The following CAP1 variants were observed in gnomAD, a reference collection of about 807,000 sequenced individuals.
The protein encoded by CAP1 is adenylyl cyclase-associated protein 1.
A neutral mutation model predicts 58.2 loss-of-function variants in CAP1; 11 were observed. The ratio of observed to expected loss-of-function variants is 0.19; its 90% confidence interval spans 0.12 to 0.31. The LOEUF is 0.31. CAP1 is among the 10% of genes least tolerant of loss of function. CAP1 has a pLI of 1.00. For synonymous variants in CAP1, 183 were observed against 213.8 expected, an observed-to-expected ratio of 0.86 and a Z score of 1.26; for missense variants, 423 against 587.5, an observed-to-expected ratio of 0.72 and a Z score of 2.89.
chr1:40,065,988 T>G (rs1647050855), intron 6 of CAP1, among the ~76,000 whole-genome samples: 1 of 152,194 alleles, frequency 6.6e-6, no homozygotes, highest in Admixed American at 6.5e-5. Flanking sequence ...CTATGAGAGA[T>G]AGAGATAGAA....
At chr1:40,061,676 C>T in intron 3 of CAP1, 59 bp from the exon 4 acceptor site, 1 of 1,403,610 alleles carries the variant, frequency 7.1e-7, no homozygotes, top group Non-Finnish European at 1.0e-6. Flanking sequence ...TCAGGTTATT[C>T]TTATCAAGAC....
At chr1:40,062,223 CT>C (rs1646881704) in intron 4 of CAP1, among the ~76,000 whole-genome samples, 1 of 15,082 alleles carries the variant, frequency 6.6e-5, no homozygotes, top group Non-Finnish European at 2.1e-4. Context: ...GGTTGGGAGA[CT>C]CTCTCTTTAA....
In CAP1 at chr1:40,072,404, G is replaced by A. The variant is rs1648234177; in HGVS notation, c.*871G>A. ...GCTTCTGTCTAAGCACCTGAACAGAGGACTGAAACCTCCACTGCAGGCTGG... is the reference window on the plus strand; with the variant it reads ...GCTTCTGTCTAAGCACCTGAACAGAAGACTGAAACCTCCACTGCAGGCTGG... On this transcript the variant is annotated 3_prime_UTR_variant, in exon 13 of 13. Coordinates refer to ENST00000372805, the MANE Select transcript of CAP1 (RefSeq NM_006367.4). The A allele has an allele frequency of 4.0e-6, 1 of 247,526 alleles. No individual in the cohort carries two copies. The highest frequency in any genetic ancestry group is 7.6e-6 in the Non-Finnish European group (1 of 131,150). The allele number at this position is 247,526 out of a possible 1,614,324, so 15.3% of individuals were successfully genotyped here.
chr1:40,044,001 T>TAC (rs2124136983), intron 1 of CAP1, among the ~76,000 whole-genome samples: 1 of 152,356 alleles, frequency 6.6e-6, no homozygotes, highest in Non-Finnish European at 1.5e-5. Context: ...CTTTGTAGAA[T>TAC]ACAGCCTGAT....
chr1:40,069,144 T>C (rs889693376), intron 8 of CAP1, among the ~76,000 whole-genome samples: 1 of 152,220 alleles, frequency 6.6e-6, no homozygotes, highest in Non-Finnish European at 1.5e-5. Flanking sequence ...TAGAAAGATA[T>C]TAAACTACAG....
intron 4 of CAP1, among the ~76,000 whole-genome samples, chr1:40,063,217 G>A (rs572165119): frequency 3.3e-5 from 5 of 150,366 alleles, no homozygotes; most frequent in African/African-American, 4.9e-5. Context: ...TCTCTCTGTC[G>A]CCCAGGCTGG....
chr1:40,051,070 A>T (rs1428733994), intron 1 of CAP1, among the ~76,000 whole-genome samples: 3 of 152,012 alleles, frequency 2.0e-5, no homozygotes, highest in Non-Finnish European at 4.4e-5. Context: ...CCTCTTCAAG[A>T]TGCCTCACTT....
intron 1 of CAP1, among the ~76,000 whole-genome samples, chr1:40,051,681 T>A (rs1473909889): frequency 6.6e-6 from 1 of 152,166 alleles, no homozygotes; most frequent in Non-Finnish European, 1.5e-5. Context: ...GTTCATGCCA[T>A]TCTCCTGCCT....
At chr1:40,048,743 T>C (rs1309656378) in intron 1 of CAP1, among the ~76,000 whole-genome samples, 1 of 152,178 alleles carries the variant, frequency 6.6e-6, no homozygotes, top group Non-Finnish European at 1.5e-5. Context: ...TATAGATAGA[T>C]CAATAGATCT....
rs1648235260 is a variant in CAP1 at position 40,072,407 on chromosome 1, C to G, written c.*874C>G. The G allele has an allele frequency of 4.1e-6, 1 of 243,828 alleles. No individual in the cohort carries two copies. Among genetic ancestry groups the G allele is most frequent in the Non-Finnish European group, 7.8e-6 (1 of 128,778 alleles). The allele number at this position is 243,828 out of a possible 1,614,324, so 15.1% of individuals were successfully genotyped here. A position where few individuals can be genotyped will look rare whatever the true frequency, so the allele number is the denominator to read the frequency against. On this transcript the variant is annotated 3_prime_UTR_variant, in exon 13 of 13. Coordinates refer to ENST00000372805, the MANE Select transcript of CAP1 (RefSeq NM_006367.4). ...TCTGTCTAAGCACCTGAACAGAGGA[C>G]TGAAACCTCCACTGCAGGCTGGTTT...
At position 40,071,435 on chromosome 1, in the gene CAP1, C is replaced by CT. The variant is rs752996704; in HGVS notation, c.1345-13dup. On this transcript the variant is annotated splice_polypyrimidine_tract_variant and intron_variant, in intron 12 of 12. Coordinates refer to ENST00000372805, the MANE Select transcript of CAP1 (RefSeq NM_006367.4). ...TAGCTCAGATTTAAACCTGCTGTCT[C>CT]TTCTTTATTTGCAGAATGAATTCCC... 3.8e-6 allele frequency: 6 copies of CT among 1,593,990 alleles called. No individual in the cohort carries two copies. The highest frequency in any genetic ancestry group is 5.2e-6 in the Non-Finnish European group (6 of 1,162,576).
chr1:40,056,933 T>C (rs901125180), intron 1 of CAP1, among the ~76,000 whole-genome samples: 2 of 152,062 alleles, frequency 1.3e-5, no homozygotes, highest in African/African-American at 4.8e-5. Flanking sequence ...TGTTCTTTTG[T>C]ATTTGGTTAA....
chr1:40,044,529 G>A (rs1645992403), intron 1 of CAP1, among the ~76,000 whole-genome samples: 1 of 152,110 alleles, frequency 6.6e-6, no homozygotes, highest in South Asian at 2.1e-4. Context: ...TCTCTAAGAA[G>A]AAGCATTTTT....
At chr1:40,056,848 T>G (rs1276566718) in intron 1 of CAP1, among the ~76,000 whole-genome samples, 1 of 152,164 alleles carries the variant, frequency 6.6e-6, no homozygotes, top group Non-Finnish European at 1.5e-5. Context: ...AATGTCATAC[T>G]TAAATTCTGG....
chr1:40,061,607 C>G lies in CAP1; in HGVS notation c.217-128C>G, dbSNP rs796242624. 60 of 765,108 alleles carry G rather than the reference C, an allele frequency of 7.8e-5. No homozygotes were observed. The African/African-American group carries it at 8.2e-4, about 10-fold the overall frequency. The allele number at this position is 765,108 out of a possible 1,614,324, so 47.4% of individuals were successfully genotyped here. On this transcript the variant is annotated intron_variant, in intron 3 of 12. Transcript: ENST00000372805. Reference sequence around the variant, plus strand: ...CTCTCAGTCCCTGGAATCTGGAATACATGAGGAGGATAACATGAAGTGCCT... The same window carrying G: ...CTCTCAGTCCCTGGAATCTGGAATAGATGAGGAGGATAACATGAAGTGCCT...
chr1:40,064,578 C>T lies in CAP1; in HGVS notation c.524+19C>T. The T allele has an allele frequency of 6.3e-7, 1 of 1,583,640 alleles. No homozygotes were observed. Among genetic ancestry groups the T allele is most frequent in the Non-Finnish European group, 8.7e-7 (1 of 1,153,820 alleles). Reference sequence around the variant, plus strand: ...AAGATGTGTAAGTTCAGCCTTTTCTCTCTTTTTTTCTTTTCTGAGACAGTG... The same window carrying T: ...AAGATGTGTAAGTTCAGCCTTTTCTTTCTTTTTTTCTTTTCTGAGACAGTG... On this transcript the variant is annotated intron_variant, in intron 6 of 12. Transcript: ENST00000372805.
intron 1 of CAP1, among the ~76,000 whole-genome samples, chr1:40,058,761 T>C (rs1396425940): frequency 6.6e-6 from 1 of 152,086 alleles, no homozygotes; most frequent in Admixed American, 6.6e-5. Flanking sequence ...AACATCCTAT[T>C]CATCTTGGTT....
At chr1:40,046,246 A>G (rs377457107) in intron 1 of CAP1, among the ~76,000 whole-genome samples, 1 of 152,184 alleles carries the variant, frequency 6.6e-6, no homozygotes, top group African/African-American at 2.4e-5. Flanking sequence ...ACCTGAGGTC[A>G]GGAGTTCGAG....
At chr1:40,055,254 A>G (rs3131679) in intron 1 of CAP1, among the ~76,000 whole-genome samples, 105,414 of 151,830 alleles carry the variant, frequency 0.69, 36,855 homozygotes, top group Non-Finnish European at 0.74. Flanking sequence ...GTGGTAGAAG[A>G]TTAAGCAGGA....
Sources: allele counts gnomAD v4.1 joint callset (sites outside exome capture counted in the v4.1 genomes callset), GRCh38; gene constraint gnomAD v4.1.1; transcripts MANE v1.5; gene names NCBI Gene and HGNC (gene_info 2026-07-23, HGNC 2026-07-21).